DLGAP1: variants seen among roughly 807,000 people sequenced by gnomAD.
DLGAP1 encodes disks large-associated protein 1.
DLGAP1 carries 11 observed loss-of-function variants against 90.8 expected under a neutral mutation model. That is an observed-to-expected ratio of 0.12 (90% CI 0.08 to 0.20). The LOEUF (loss-of-function observed/expected upper bound fraction) is 0.20, where lower values mean the gene tolerates loss of function less well. Among genes scored for constraint, DLGAP1 ranks in the 10% least tolerant of loss-of-function variants. The probability of loss-of-function intolerance (pLI) is 1.00; values close to 1 mark genes in which losing one functional copy is unlikely to be tolerated. For synonymous variants in DLGAP1, 558 were observed against 540.7 expected, an observed-to-expected ratio of 1.03 and a Z score of -0.44; for missense variants, 1,050 against 1,333.8, an observed-to-expected ratio of 0.79 and a Z score of 3.31.
At chr18:3,849,798 G>A (rs1378881996) in intron 4 of DLGAP1, among the ~76,000 whole-genome samples, 2 of 152,098 alleles carry the variant, frequency 1.3e-5, no homozygotes, top group Non-Finnish European at 2.9e-5. Context: ...CTCTACTCGG[G>A]GCCTAGTGAT....
chr18:4,434,613 C>T (rs540331836), intron 1 of DLGAP1, among the ~76,000 whole-genome samples: 1 of 152,144 alleles, frequency 6.6e-6, no homozygotes, highest in Non-Finnish European at 1.5e-5. Context: ...AGGAGGAATG[C>T]TTCCTCTGCT....
intron 7 of DLGAP1, among the ~76,000 whole-genome samples, chr18:3,621,369 G>T (rs2089728178): frequency 6.6e-6 from 1 of 152,194 alleles, no homozygotes; most frequent in South Asian, 2.1e-4. Context: ...ACCAGCCTGG[G>T]CAACATAGTG....
chr18:3,621,549 A>C (rs908518898), intron 7 of DLGAP1, among the ~76,000 whole-genome samples: 8 of 152,214 alleles, frequency 5.3e-5, no homozygotes, highest in Non-Finnish European at 1.2e-4. Context: ...AAGGGGGCCA[A>C]CTGTTCAAAC....
At position 4,153,145 on chromosome 18, in the gene DLGAP1, T is replaced by C. The variant is rs2076701534; in HGVS notation, c.-266-1858A>G. On this transcript the variant is annotated intron_variant, in intron 1 of 12. Coordinates refer to ENST00000315677, the MANE Select transcript of DLGAP1 (RefSeq NM_004746.4). The stretch of plus-strand genomic sequence containing the variant: ...ATTGTTAGGTAAACAAATATATTAA[T>C]CACTAGGAGAGGTCTTAAATGTCAT... Among the ~76,000 whole-genome samples the C allele has an allele frequency of 2.0e-5, 3 of 152,244 alleles. No homozygotes were observed. The South Asian group carries it at 6.2e-4, about 31-fold the overall frequency.
At position 3,551,435 on chromosome 18, in the gene DLGAP1, G is replaced by T. The variant is rs1729455041; in HGVS notation, c.2057+16055C>A. Among the ~76,000 whole-genome samples, 5 of 151,614 alleles carry T rather than the reference G, an allele frequency of 3.3e-5. No homozygotes were observed. The South Asian group carries it at 1.0e-3, about 32-fold the overall frequency. On this transcript the variant is annotated intron_variant, in intron 9 of 12. Transcript: ENST00000315677. Reference sequence around the variant, plus strand: ...AGCTAATTTTTGTATTTTTAGTAGAGACAAGGTTTCACCATGTTGGCCAGA... The same window carrying T: ...AGCTAATTTTTGTATTTTTAGTAGATACAAGGTTTCACCATGTTGGCCAGA...
intron 2 of DLGAP1, among the ~76,000 whole-genome samples, chr18:4,147,567 ATTCT>A (rs1193631533): frequency 7.0e-6 from 1 of 142,578 alleles, no homozygotes; most frequent in Non-Finnish European, 1.5e-5. Context: ...CTGTTCATCC[ATTCT>A]TCCATCCATC....
intron 1 of DLGAP1, among the ~76,000 whole-genome samples, chr18:4,153,729 A>G (rs1041078012): frequency 1.3e-5 from 2 of 151,772 alleles, no homozygotes; most frequent in Non-Finnish European, 1.5e-5. Flanking sequence ...TGTGCTTCCT[A>G]CTCTTCCACT....
intron 2 of DLGAP1, among the ~76,000 whole-genome samples, chr18:4,089,468 A>G (rs2075735075): frequency 6.6e-6 from 1 of 152,178 alleles, no homozygotes; most frequent in Admixed American, 6.5e-5. Flanking sequence ...ATTCATATGG[A>G]ACCAAAAAAG....
intron 7 of DLGAP1, among the ~76,000 whole-genome samples, chr18:3,651,807 T>C (rs2059315065): frequency 6.6e-6 from 1 of 152,038 alleles, no homozygotes; most frequent in South Asian, 2.1e-4. Context: ...ACCCTGTCTC[T>C]ACTATAAATA....
intron 1 of DLGAP1, among the ~76,000 whole-genome samples, chr18:4,273,175 A>C (rs1254827494): frequency 6.6e-6 from 1 of 152,196 alleles, no homozygotes; most frequent in African/African-American, 2.4e-5. Flanking sequence ...CAGCATTGAA[A>C]CAAAAACTTT....
chr18:3,827,523 C>T (rs2067786649), intron 4 of DLGAP1, among the ~76,000 whole-genome samples: 1 of 152,304 alleles, frequency 6.6e-6, no homozygotes. Context: ...AAGGATTCTG[C>T]TGTTCATGAA....
At chr18:4,122,166 G>C (rs2076163096) in intron 2 of DLGAP1, among the ~76,000 whole-genome samples, 1 of 152,206 alleles carries the variant, frequency 6.6e-6, no homozygotes, top group South Asian at 2.1e-4. Context: ...CAGCTCCATA[G>C]AGAAAGTTGC....
chr18:4,413,524 G>A (rs956382972), intron 1 of DLGAP1, among the ~76,000 whole-genome samples: 4 of 152,080 alleles, frequency 2.6e-5, no homozygotes, highest in Non-Finnish European at 4.4e-5. Flanking sequence ...ACTCCCTTAC[G>A]GGCTATTCTG....
At chr18:4,043,507 G>A (rs1444776570) in intron 2 of DLGAP1, among the ~76,000 whole-genome samples, 1 of 152,164 alleles carries the variant, frequency 6.6e-6, no homozygotes, top group African/African-American at 2.4e-5. Context: ...TTGTATGGAA[G>A]ATTTCAAAAG....
intron 2 of DLGAP1, among the ~76,000 whole-genome samples, chr18:4,117,589 G>A (rs1373409405): frequency 1.3e-5 from 2 of 152,208 alleles, no homozygotes; most frequent in East Asian, 1.9e-4. Flanking sequence ...GCTTAAGACC[G>A]CTTAGCCAGT....
intron 7 of DLGAP1, among the ~76,000 whole-genome samples, chr18:3,680,713 C>T (rs1195450103): frequency 7.0e-6 from 1 of 143,846 alleles, no homozygotes; most frequent in African/African-American, 2.7e-5. Context: ...GGCGTGAACC[C>T]GGGAGGCGGA....
intron 4 of DLGAP1, among the ~76,000 whole-genome samples, chr18:3,827,389 A>T (rs539175646): frequency 1.3e-5 from 2 of 152,316 alleles, no homozygotes; most frequent in Non-Finnish European, 2.9e-5. Context: ...AGCTGAGTGA[A>T]AAAAGTTTTT....
At chr18:3,825,647 G>A (rs2067670449) in intron 4 of DLGAP1, among the ~76,000 whole-genome samples, 1 of 152,110 alleles carries the variant, frequency 6.6e-6, no homozygotes, top group Admixed American at 6.5e-5. Flanking sequence ...TACATAGAGA[G>A]GACTGTATCA....
At chr18:3,793,080 C>T (rs9960018) in intron 5 of DLGAP1, among the ~76,000 whole-genome samples, 20,010 of 152,146 alleles carry the variant, frequency 0.13, 1,427 homozygotes, top group Middle Eastern at 0.17. Flanking sequence ...CCATGGAATA[C>T]GACTCGACCA....
Sources: gnomAD v4.1 joint callset for allele counts (sites outside exome capture counted in the v4.1 genomes callset) on GRCh38, gnomAD v4.1.1 for gene constraint, MANE v1.5 for transcripts, NCBI Gene and HGNC (gene_info 2026-07-23, HGNC 2026-07-21) for gene names.